CDKN2B-AS1: variants seen among roughly 807,000 people sequenced by gnomAD.
CDKN2B-AS1 encodes CDKN2B and CDKN2A antisense cis and trans regulatory RNA 1.
rs369425512 is a variant in CDKN2B-AS1 at position 22,016,443 on chromosome 9, A to G, written n.29+21282A>G. Among the ~76,000 whole-genome samples, 82 of 152,330 alleles carry G rather than the reference A, an allele frequency of 5.4e-4. 2 individuals carry two copies. The East Asian group carries it at 0.013, about 25-fold the overall frequency. On this transcript the variant is annotated intron_variant and non_coding_transcript_variant, in intron 1 of 4. Coordinates refer to ENST00000650946, the Ensembl canonical transcript of CDKN2B-AS1. ...GACTTTCTTCACAGAATTGGAAAAA[A>G]CTACTTTAAAGTTCATATGGAACCA...
intron 4 of CDKN2B-AS1, among the ~76,000 whole-genome samples, chr9:22,079,578 G>A (rs1392448178): frequency 6.6e-6 from 1 of 151,924 alleles, no homozygotes; most frequent in Admixed American, 6.6e-5. Context: ...CTGGGTGAGG[G>A]AACAACTTGT....
chr9:22,099,670 A>G (rs1405746345), intron 4 of CDKN2B-AS1, among the ~76,000 whole-genome samples: 1 of 152,180 alleles, frequency 6.6e-6, no homozygotes, highest in East Asian at 1.9e-4. Flanking sequence ...CAGGCAAGAA[A>G]TACTGAGATG....
At chr9:22,120,040 G>C (rs955359234) in intron 4 of CDKN2B-AS1, 1 of 152,210 alleles carries the variant, frequency 6.6e-6, no homozygotes, top group African/African-American at 2.4e-5. Flanking sequence ...ACCTTTATGA[G>C]AAAGTTATGT....
chr9:22,053,422 T>C (rs1823435595), intron 3 of CDKN2B-AS1, among the ~76,000 whole-genome samples: 1 of 152,198 alleles, frequency 6.6e-6, no homozygotes, highest in African/African-American at 2.4e-5. Context: ...GCTAAACATG[T>C]TTGCCATAGG....
intron 1 of CDKN2B-AS1, among the ~76,000 whole-genome samples, chr9:22,044,286 G>A (rs181347042): frequency 6.6e-6 from 1 of 152,006 alleles, no homozygotes; most frequent in Non-Finnish European, 1.5e-5. Flanking sequence ...ATTAGTTAAA[G>A]GTTGTAAAAT....
At chr9:22,064,809 T>A (rs1263958733) in intron 4 of CDKN2B-AS1, among the ~76,000 whole-genome samples, 1 of 152,156 alleles carries the variant, frequency 6.6e-6, no homozygotes, top group African/African-American at 2.4e-5. Flanking sequence ...GGTTTTCATT[T>A]AACATCTCAT....
intron 4 of CDKN2B-AS1, chr9:22,061,930 T>C (rs1823839227): frequency 6.6e-6 from 1 of 152,232 alleles, no homozygotes; most frequent in Non-Finnish European, 1.5e-5. Flanking sequence ...TACTAGCTAT[T>C]ATTTTTATCC....
chr9:22,043,295 C>T (rs956440046), intron 1 of CDKN2B-AS1, among the ~76,000 whole-genome samples: 1 of 151,918 alleles, frequency 6.6e-6, no homozygotes, highest in Admixed American at 6.6e-5. Context: ...GTTTCATATT[C>T]ATAGATTTTT....
chr9:22,014,258 G>T (rs1821642198), intron 1 of CDKN2B-AS1, among the ~76,000 whole-genome samples: 3 of 152,010 alleles, frequency 2.0e-5, no homozygotes, highest in Admixed American at 2.0e-4. Flanking sequence ...CAACTCCCAG[G>T]CTCAAGTGAT....
At chr9:22,010,612 A>G (rs1821450174) in intron 1 of CDKN2B-AS1, among the ~76,000 whole-genome samples, 1 of 152,192 alleles carries the variant, frequency 6.6e-6, no homozygotes, top group African/African-American at 2.4e-5. Context: ...TGCCACCACC[A>G]TGGAAGTGCT....
chr9:22,076,884 A>G (rs1824514475), intron 4 of CDKN2B-AS1, among the ~76,000 whole-genome samples: 1 of 152,080 alleles, frequency 6.6e-6, no homozygotes, highest in Non-Finnish European at 1.5e-5. Context: ...GGGTTTCACC[A>G]TGTTGCTCAG....
At chr9:22,099,830 A>G (rs1825421918) in intron 4 of CDKN2B-AS1, among the ~76,000 whole-genome samples, 1 of 152,170 alleles carries the variant, frequency 6.6e-6, no homozygotes, top group African/African-American at 2.4e-5. Context: ...ACATGTATGT[A>G]TTCATAAAGT....
intron 4 of CDKN2B-AS1, among the ~76,000 whole-genome samples, chr9:22,079,124 A>G (rs1281925461): frequency 2.6e-5 from 4 of 152,252 alleles, no homozygotes; most frequent in African/African-American, 9.6e-5. Context: ...ACAATTAAAA[A>G]GAAACCAATG....
At chr9:22,048,894 G>A (rs1358066463) in intron 2 of CDKN2B-AS1, among the ~76,000 whole-genome samples, 1 of 152,148 alleles carries the variant, frequency 6.6e-6, no homozygotes, top group Non-Finnish European at 1.5e-5. Context: ...AATCATAACA[G>A]TTCTTGCCTC....
At chr9:22,114,338 C>T (rs1263254486) in intron 4 of CDKN2B-AS1, among the ~76,000 whole-genome samples, 1 of 152,176 alleles carries the variant, frequency 6.6e-6, no homozygotes, top group African/African-American at 2.4e-5. Context: ...TATATCTCTA[C>T]TTGAATCACT....
chr9:22,023,705 T>A (rs1417224638), intron 1 of CDKN2B-AS1, among the ~76,000 whole-genome samples: 1 of 152,204 alleles, frequency 6.6e-6, no homozygotes. Flanking sequence ...ATCGTGCCAC[T>A]GCACTCCAGC....
chr9:22,089,615 T>G (rs1824995835), intron 4 of CDKN2B-AS1, among the ~76,000 whole-genome samples: 1 of 151,938 alleles, frequency 6.6e-6, no homozygotes, highest in Non-Finnish European at 1.5e-5. Context: ...CTTTTCTTTT[T>G]TTTTCCCCTT....
intron 4 of CDKN2B-AS1, among the ~76,000 whole-genome samples, chr9:22,060,098 G>A (rs1350515916): frequency 1.3e-5 from 2 of 152,152 alleles, no homozygotes; most frequent in Admixed American, 1.3e-4. Flanking sequence ...ATGGTCTCGG[G>A]GATTAACATT....
At chr9:22,021,864 G>A (rs142341063) in intron 1 of CDKN2B-AS1, among the ~76,000 whole-genome samples, 50 of 152,024 alleles carry the variant, frequency 3.3e-4, no homozygotes, top group Non-Finnish European at 4.9e-4. Context: ...AATGCTGCAA[G>A]CATTAGTTTC....
Sources: gnomAD v4.1 joint callset for allele counts (sites outside exome capture counted in the v4.1 genomes callset) on GRCh38, gnomAD v4.1.1 for gene constraint, MANE v1.5 for transcripts, NCBI Gene and HGNC (gene_info 2026-07-23, HGNC 2026-07-21) for gene names.